The following TBC1D5 variants were observed in gnomAD, a reference collection of about 807,000 sequenced individuals.
TBC1D5 encodes TBC1 domain family, member 5.
Under a neutral mutation model 100.3 loss-of-function variants are expected in TBC1D5, and 75 were observed. That is an observed-to-expected ratio of 0.75 (90% CI 0.62 to 0.91). TBC1D5 has a LOEUF of 0.91. Among genes scored for constraint, TBC1D5 ranks in the 40% least tolerant of loss-of-function variants. The pLI, the probability that TBC1D5 is intolerant of heterozygous loss-of-function variation, is 0.00. For missense variants in TBC1D5, 910 were observed against 942.4 expected (o/e 0.97, Z 0.45); for synonymous variants, 323 against 325.6 (o/e 0.99, Z 0.09).
At chr3:17,477,266 T>C (rs1186731274) in intron 3 of TBC1D5, among the ~76,000 whole-genome samples, 2 of 152,044 alleles carry the variant, frequency 1.3e-5, no homozygotes, top group African/African-American at 4.8e-5. Flanking sequence ...TTTATCTTTT[T>C]ACCCATGCTG....
intron 2 of TBC1D5, among the ~76,000 whole-genome samples, chr3:17,541,622 C>T (rs898921720): frequency 2.0e-5 from 3 of 152,178 alleles, no homozygotes; most frequent in Non-Finnish European, 4.4e-5. Context: ...TGTAAGACTA[C>T]ATATCATCTG....
At chr3:17,408,260 G>A (rs969438209) in intron 4 of TBC1D5, among the ~76,000 whole-genome samples, 2 of 140,534 alleles carry the variant, frequency 1.4e-5, no homozygotes, top group Non-Finnish European at 3.0e-5. Flanking sequence ...GCCCTCAGAA[G>A]ACTATCCAAC....
chr3:17,719,035 T>C (rs1308063785), intron 1 of TBC1D5, among the ~76,000 whole-genome samples: 1 of 152,188 alleles, frequency 6.6e-6, no homozygotes, highest in Non-Finnish European at 1.5e-5. Flanking sequence ...ATTGAAATTT[T>C]AAAAATAAAA....
At chr3:17,723,870 C>A (rs2075891714) in intron 1 of TBC1D5, among the ~76,000 whole-genome samples, 2 of 151,882 alleles carry the variant, frequency 1.3e-5, no homozygotes, top group African/African-American at 2.4e-5. Context: ...GGAGTGGGTA[C>A]CCTTAACTCC....
intron 2 of TBC1D5, among the ~76,000 whole-genome samples, chr3:17,614,719 T>C (rs574739197): frequency 4.8e-4 from 73 of 152,342 alleles, no homozygotes; most frequent in African/African-American, 1.7e-3. Flanking sequence ...CCTGTGATTT[T>C]TGCACATTGA....
At chr3:17,423,043 C>T (rs779266558) in intron 4 of TBC1D5, among the ~76,000 whole-genome samples, 45 of 152,104 alleles carry the variant, frequency 3.0e-4, no homozygotes, top group Non-Finnish European at 4.6e-4. Context: ...TTTTTACCAA[C>T]TTGAACAGCC....
chr3:17,405,309 T>A (rs541396946), intron 5 of TBC1D5, among the ~76,000 whole-genome samples: 1 of 152,132 alleles, frequency 6.6e-6, no homozygotes, highest in East Asian at 1.9e-4. Context: ...AGGGGGTTAT[T>A]AAGGAGCACA....
intron 19 of TBC1D5, among the ~76,000 whole-genome samples, chr3:17,171,524 T>C (rs997454728): frequency 6.6e-6 from 1 of 152,140 alleles, no homozygotes; most frequent in Non-Finnish European, 1.5e-5. Context: ...TAGCTTCTGG[T>C]GGTTGTCAAC....
chr3:17,247,617 T>G (rs990525361), intron 16 of TBC1D5, among the ~76,000 whole-genome samples: 2 of 152,124 alleles, frequency 1.3e-5, no homozygotes, highest in African/African-American at 2.4e-5. Flanking sequence ...AAGACAACAA[T>G]GAAGTTGGCC....
intron 3 of TBC1D5, among the ~76,000 whole-genome samples, chr3:17,492,154 T>C (rs771612799): frequency 6.6e-6 from 1 of 152,136 alleles, no homozygotes; most frequent in Non-Finnish European, 1.5e-5. Context: ...CCCTTTATCA[T>C]TTTTTATTGT....
intron 15 of TBC1D5, among the ~76,000 whole-genome samples, chr3:17,273,524 T>C (rs913405493): frequency 6.6e-6 from 1 of 152,076 alleles, no homozygotes; most frequent in African/African-American, 2.4e-5. Context: ...CCAACCTTAT[T>C]CTTACACGCA....
chr3:17,505,646 G>T (rs537464149), intron 3 of TBC1D5, among the ~76,000 whole-genome samples: 1 of 152,136 alleles, frequency 6.6e-6, no homozygotes, highest in East Asian at 1.9e-4. Flanking sequence ...CCTGAATTTT[G>T]ATATTGTTAT....
intron 15 of TBC1D5, among the ~76,000 whole-genome samples, chr3:17,276,552 C>G (rs910878690): frequency 1.3e-5 from 2 of 152,142 alleles, no homozygotes; most frequent in Non-Finnish European, 2.9e-5. Flanking sequence ...AGAGAGATGA[C>G]TTGGCTTTTC....
intron 18 of TBC1D5, among the ~76,000 whole-genome samples, chr3:17,199,078 T>G (rs958862877): frequency 1.1e-4 from 16 of 152,236 alleles, no homozygotes; most frequent in African/African-American, 3.9e-4. Flanking sequence ...AAACGTTTTA[T>G]AGTTAGTCCA....
chr3:17,161,418 A>T (rs987630711), intron 21 of TBC1D5, among the ~76,000 whole-genome samples, 162 bp from the exon 23 acceptor site: 72 of 152,238 alleles, frequency 4.7e-4, no homozygotes, highest in Non-Finnish European at 1.0e-3. Context: ...CCTGAAGCCC[A>T]CACGTTTACC....
At chr3:17,334,163 A>T (rs1332456202) in intron 13 of TBC1D5, among the ~76,000 whole-genome samples, 1 of 152,048 alleles carries the variant, frequency 6.6e-6, no homozygotes, top group African/African-American at 2.4e-5. Flanking sequence ...CGCTGGAAAT[A>T]TGACCGTGAG....
At chr3:17,608,182 G>A (rs1413427677) in intron 2 of TBC1D5, among the ~76,000 whole-genome samples, 1 of 152,090 alleles carries the variant, frequency 6.6e-6, no homozygotes, top group African/African-American at 2.4e-5. Flanking sequence ...GCTTGAACCT[G>A]GGAGGTAGAG....
At chr3:17,243,320 G>A (rs548836107) in intron 16 of TBC1D5, among the ~76,000 whole-genome samples, 2 of 152,090 alleles carry the variant, frequency 1.3e-5, no homozygotes, top group Admixed American at 6.5e-5. Context: ...ATTGAATTTC[G>A]ATCAAAGGCT....
intron 18 of TBC1D5, among the ~76,000 whole-genome samples, chr3:17,187,520 G>A (rs2069283984): frequency 6.6e-6 from 1 of 152,232 alleles, no homozygotes; most frequent in African/African-American, 2.4e-5. Context: ...ACCATGTGGA[G>A]CAGAAGAAGA....
Sources: gnomAD v4.1 joint callset for allele counts (sites outside exome capture counted in the v4.1 genomes callset) on GRCh38, gnomAD v4.1.1 for gene constraint, MANE v1.5 for transcripts, NCBI Gene and HGNC (gene_info 2026-07-23, HGNC 2026-07-21) for gene names.